Variants in LNPEP observed in about 807,000 individuals in gnomAD.
LNPEP encodes the protein leucyl and cystinyl aminopeptidase.
Under a neutral mutation model 120.6 loss-of-function variants are expected in LNPEP, and 64 were observed. That is an observed-to-expected ratio of 0.53 (90% CI 0.43 to 0.65). LNPEP has a LOEUF of 0.65. Among genes scored for constraint, LNPEP ranks in the 30% least tolerant of loss-of-function variants. The pLI, the probability that LNPEP is intolerant of heterozygous loss-of-function variation, is 0.00. For synonymous variants in LNPEP, 435 were observed against 425.4 expected (o/e 1.02, Z -0.28); for missense variants, 1,057 against 1,200.0 (o/e 0.88, Z 1.76).
chr5:96,957,889 A>G (rs1474422883), intron 1 of LNPEP, among the ~76,000 whole-genome samples: 1 of 152,220 alleles, frequency 6.6e-6, no homozygotes, highest in African/African-American at 2.4e-5. Flanking sequence ...TTCTGCACAT[A>G]TGTAGCTCAG....
intron 8 of LNPEP, 143 bp downstream of exon 8, chr5:96,998,288 G>A: frequency 5.8e-6 from 4 of 686,552 alleles, no homozygotes; most frequent in Non-Finnish European, 9.1e-6. Flanking sequence ...GTTTGCTTCT[G>A]TATAAATCTT....
chr5:96,953,330 CAG>C (rs1355046335), intron 1 of LNPEP, among the ~76,000 whole-genome samples: 1 of 125,736 alleles, frequency 8.0e-6, no homozygotes, highest in African/African-American at 2.9e-5. Context: ...GGTATAGACA[CAG>C]AGACAGGTAT....
At chr5:97,016,074 G>T (rs1234290448) in intron 13 of LNPEP, among the ~76,000 whole-genome samples, 1 of 152,038 alleles carries the variant, frequency 6.6e-6, no homozygotes, top group African/African-American at 2.4e-5. Flanking sequence ...GGGCAGAGTG[G>T]ATGTATGGAG....
chr5:96,996,965 A>G (rs1790530066), intron 7 of LNPEP, among the ~76,000 whole-genome samples: 1 of 152,094 alleles, frequency 6.6e-6, no homozygotes, highest in South Asian at 2.1e-4. Flanking sequence ...ATAGTGATAT[A>G]TAGCTTGGTA....
chr5:96,973,609 G>T (rs149000947), intron 1 of LNPEP, among the ~76,000 whole-genome samples: 1 of 152,054 alleles, frequency 6.6e-6, no homozygotes, highest in African/African-American at 2.4e-5. Context: ...GTCTAGAGAT[G>T]ATTTAAAGTA....
intron 4 of LNPEP, among the ~76,000 whole-genome samples, chr5:96,989,345 A>T (rs11953041): frequency 1.4e-4 from 3 of 22,150 alleles, no homozygotes; most frequent in Admixed American, 7.6e-4. Flanking sequence ...TATAATATAT[A>T]ATATATTATA....
chr5:97,030,620 C>CTCTCTGTGTGTG lies in LNPEP; in HGVS notation c.*2088_*2089insCTCTGTGTGTGT, dbSNP rs1554071749. ...CATTTCTCTCCCTCTCTCTCTCTCT[C>CTCTCTGTGTGTG]TGTGTGTGTGTGTGTGTGTGTGTGT... On this transcript the variant is annotated 3_prime_UTR_variant, in exon 18 of 18. Transcript: ENST00000231368. 1 of 126,278 alleles carries CTCTCTGTGTGTG rather than the reference C, an allele frequency of 7.9e-6. No homozygotes were observed. Among genetic ancestry groups the CTCTCTGTGTGTG allele is most frequent in the Non-Finnish European group, 1.7e-5 (1 of 59,460 alleles). 7.8% of individuals were successfully genotyped at this position (126,278 alleles called of 1,614,324 possible). A position where few individuals can be genotyped will look rare whatever the true frequency, so the allele number is the denominator to read the frequency against.
At chr5:97,024,369 A>T in intron 14 of LNPEP, 152 bp from the exon 15 acceptor site, 1 of 648,204 alleles carries the variant, frequency 1.5e-6, no homozygotes, top group Non-Finnish European at 2.7e-6. Context: ...GATAGCAGTC[A>T]CTGAATTAAA....
intron 2 of LNPEP, among the ~76,000 whole-genome samples, chr5:96,982,576 A>G (rs1790152248): frequency 6.6e-6 from 1 of 152,192 alleles, no homozygotes; most frequent in Non-Finnish European, 1.5e-5. Context: ...TATGAATAGT[A>G]GGGATAACAT....
intron 11 of LNPEP, among the ~76,000 whole-genome samples, chr5:97,008,345 T>G (rs1241609632): frequency 9.9e-5 from 3 of 30,228 alleles, no homozygotes; most frequent in East Asian, 9.6e-4. Context: ...TTGTTTTTTT[T>G]TTTTTTTTTT....
At chr5:96,943,083 A>C (rs1789098729) in intron 1 of LNPEP, 1 of 310,936 alleles carries the variant, frequency 3.2e-6, no homozygotes, top group Admixed American at 3.6e-5. Context: ...ATGAGAATCC[A>C]TAAGTGACTC....
intron 3 of LNPEP, among the ~76,000 whole-genome samples, chr5:96,985,932 T>G (rs1582005270): frequency 6.6e-6 from 1 of 152,146 alleles, no homozygotes; most frequent in Non-Finnish European, 1.5e-5. Context: ...CAGCTTACTC[T>G]GCACACTCAG....
Position 96,996,514 on chromosome 5 carries a change from G to A in LNPEP, c.1521+11G>A, listed in dbSNP as rs1373347187. ...AAAGAGCTTTCTAGTGTAAGTACAGGGTTTCTTTGGCCTACTATGAATGCT... is the reference window on the plus strand; with the variant it reads ...AAAGAGCTTTCTAGTGTAAGTACAGAGTTTCTTTGGCCTACTATGAATGCT... On this transcript the variant is annotated intron_variant, in intron 7 of 17. Transcript: ENST00000231368. The A allele has an allele frequency of 7.3e-7, 1 of 1,361,942 alleles. No individual in the cohort carries two copies. The highest frequency in any genetic ancestry group is 1.0e-6 in the Non-Finnish European group (1 of 952,576). 84.4% of individuals were successfully genotyped at this position (1,361,942 alleles called of 1,614,324 possible).
At chr5:96,964,925 G>T (rs1382910591) in intron 1 of LNPEP, among the ~76,000 whole-genome samples, 1 of 151,948 alleles carries the variant, frequency 6.6e-6, no homozygotes, top group African/African-American at 2.4e-5. Flanking sequence ...ATATTTTCTT[G>T]TTTTTCTGGT....
intron 11 of LNPEP, among the ~76,000 whole-genome samples, chr5:97,009,317 A>G (rs988716152): frequency 6.8e-6 from 1 of 147,702 alleles, no homozygotes; most frequent in Non-Finnish European, 1.5e-5. Context: ...TCCACTCATA[A>G]TATACTGTAA....
intron 4 of LNPEP, among the ~76,000 whole-genome samples, chr5:96,991,327 T>C (rs1053610526): frequency 4.6e-5 from 7 of 152,154 alleles, no homozygotes; most frequent in African/African-American, 1.7e-4. Context: ...ATCCCAGTAG[T>C]GGGACTGACA....
rs1791586152 is a variant in LNPEP at position 97,037,276 on chromosome 5, G to A, written c.*8743G>A. The A allele has an allele frequency of 6.6e-6, 1 of 152,152 alleles. No individual in the cohort carries two copies. The allele number at this position is 152,152 out of a possible 1,614,324, so 9.4% of individuals were successfully genotyped here. A position where few individuals can be genotyped will look rare whatever the true frequency, so the allele number is the denominator to read the frequency against. On this transcript the variant is annotated 3_prime_UTR_variant, in exon 18 of 18. Coordinates refer to ENST00000231368, the MANE Select transcript of LNPEP (RefSeq NM_005575.3). ...TCTTCAATTCCTTGAGTCTGAGCTT[G>A]TGGGTGGAATTCTAAATTTGTATCA...
chr5:97,003,643 C>A, intron 9 of LNPEP, 97 bp downstream of exon 9: 1 of 773,194 alleles, frequency 1.3e-6, no homozygotes, highest in Non-Finnish European at 1.9e-6. Context: ...ATCTGTGGTA[C>A]AAAGCATAGT....
At chr5:96,941,980 G>C (rs930673387) in intron 1 of LNPEP, among the ~76,000 whole-genome samples, 2 of 152,116 alleles carry the variant, frequency 1.3e-5, no homozygotes, top group African/African-American at 4.8e-5. Flanking sequence ...GTTGTATGAG[G>C]TTGAAGACAG....
Sources: allele counts gnomAD v4.1 joint callset (sites outside exome capture counted in the v4.1 genomes callset), GRCh38; gene constraint gnomAD v4.1.1; transcripts MANE v1.5; gene names NCBI Gene and HGNC (gene_info 2026-07-23, HGNC 2026-07-21).